The following IGF2BP1 variants were observed in gnomAD, a reference collection of about 807,000 sequenced individuals.
The protein encoded by IGF2BP1 is insulin like growth factor 2 mRNA binding protein 1.
Under a neutral mutation model 74.9 loss-of-function variants are expected in IGF2BP1, and 11 were observed. The observed-to-expected ratio is 0.15, with a 90% CI of 0.09 to 0.24. The LOEUF (loss-of-function observed/expected upper bound fraction) is 0.24. Ranked by LOEUF, IGF2BP1 falls within the 10% of genes least tolerant of loss-of-function variation. IGF2BP1 has a pLI of 1.00. For synonymous variants in IGF2BP1, 287 were observed against 281.8 expected, an observed-to-expected ratio of 1.02 and a Z score of -0.18; for missense variants, 440 against 757.4, an observed-to-expected ratio of 0.58 and a Z score of 4.92.
intron 2 of IGF2BP1, among the ~76,000 whole-genome samples, chr17:49,024,395 C>T (rs976604856): frequency 2.0e-5 from 3 of 151,802 alleles, no homozygotes; most frequent in Non-Finnish European, 4.4e-5. Context: ...GTTTGGGTGA[C>T]AGAGCACTTT....
intron 14 of IGF2BP1, among the ~76,000 whole-genome samples, chr17:49,047,528 A>T (rs1398804523): frequency 1.3e-5 from 2 of 151,370 alleles, no homozygotes; most frequent in African/African-American, 2.4e-5. Flanking sequence ...TTTTTTTTTT[A>T]AAGAGAGTAA....
rs973512092 is a variant in IGF2BP1 at position 49,050,506 on chromosome 17, A to C, written c.*1062A>C. ...CCCATAAGGGCTGGTTCCTAGAGGC[A>C]GGGGTTGTGGGGCACTCCCAGCCAC... On this transcript the variant is annotated 3_prime_UTR_variant, in exon 15 of 15. Coordinates refer to ENST00000290341, the MANE Select transcript of IGF2BP1 (RefSeq NM_006546.4). 6.6e-6 allele frequency: 1 copy of C among 152,164 alleles called. No homozygotes were observed. The highest frequency in any genetic ancestry group is 2.4e-5 in the African/African-American group (1 of 41,446). 9.4% of individuals were successfully genotyped at this position (152,164 alleles called of 1,614,324 possible).
At chr17:49,019,935 TATA>T (rs1567815772) in intron 2 of IGF2BP1, among the ~76,000 whole-genome samples, 7 of 61,548 alleles carry the variant, frequency 1.1e-4, no homozygotes, top group Admixed American at 5.1e-4. Flanking sequence ...TATATATATA[TATA>T]TATATATATA....
At chr17:49,017,574 A>G (rs1230218706) in intron 2 of IGF2BP1, among the ~76,000 whole-genome samples, 5 of 152,186 alleles carry the variant, frequency 3.3e-5, no homozygotes, top group Admixed American at 1.3e-4. Context: ...TTAGAAATCT[A>G]GTATTCTAAA....
At chr17:49,013,899 C>T (rs2041656130) in intron 2 of IGF2BP1, 1 of 152,440 alleles carries the variant, frequency 6.6e-6, no homozygotes, top group Non-Finnish European at 1.5e-5. Context: ...GGGGCTTTGG[C>T]GGTAGAACAT....
intron 4 of IGF2BP1, 35 bp downstream of exon 4, chr17:49,026,552 G>A (rs1259491103): frequency 1.3e-6 from 2 of 1,589,342 alleles, no homozygotes; most frequent in Admixed American, 1.7e-5. Context: ...GGCACTCGTG[G>A]TGGGGGTTGG....
At chr17:49,015,802 C>T (rs1434282964) in intron 2 of IGF2BP1, among the ~76,000 whole-genome samples, 3 of 152,160 alleles carry the variant, frequency 2.0e-5, no homozygotes, top group South Asian at 4.1e-4. Context: ...CTCAGATGGG[C>T]TTTCTTGTCA....
rs2041422427 is a variant in IGF2BP1 at position 48,997,598 on chromosome 17, T to G, written c.-148T>G. 1.2e-6 allele frequency: 1 copy of G among 838,080 alleles called. No individual in the cohort carries two copies. The highest frequency in any genetic ancestry group is 1.8e-6 in the Non-Finnish European group (1 of 551,136). 51.9% of individuals were successfully genotyped at this position (838,080 alleles called of 1,614,324 possible). On this transcript the variant is annotated 5_prime_UTR_variant, in exon 1 of 15. Coordinates refer to ENST00000290341, the MANE Select transcript of IGF2BP1 (RefSeq NM_006546.4). This position sits in a 1 kb window ranked among gnomAD's most constrained non-coding sequence, Gnocchi z 4.8. ...CGCCCTCAGGCCGCCTTCCCCGCCCTGGGCTCGGGACAACTTCTGGGGTGG... is the reference window on the plus strand; with the variant it reads ...CGCCCTCAGGCCGCCTTCCCCGCCCGGGGCTCGGGACAACTTCTGGGGTGG...
chr17:49,016,118 T>A (rs570516393), intron 2 of IGF2BP1, among the ~76,000 whole-genome samples: 1 of 152,254 alleles, frequency 6.6e-6, no homozygotes, highest in Admixed American at 6.5e-5. Flanking sequence ...CTTTTCCTGC[T>A]TCTGACGTCG....
chr17:49,024,174 G>A (rs71379323), intron 2 of IGF2BP1, among the ~76,000 whole-genome samples: 5 of 137,632 alleles, frequency 3.6e-5, no homozygotes, highest in South Asian at 4.5e-4. Context: ...CAAGTGATTC[G>A]CCTGCCTCAG....
At chr17:49,036,188 G>A (rs1469249065) in intron 5 of IGF2BP1, among the ~76,000 whole-genome samples, 1 of 152,180 alleles carries the variant, frequency 6.6e-6, no homozygotes, top group African/African-American at 2.4e-5. Context: ...GCTTTGTGAA[G>A]TGTTGGGGCT....
At chr17:49,041,672 G>A (rs1469263888) in intron 8 of IGF2BP1, among the ~76,000 whole-genome samples, 172 bp downstream of exon 8, 1 of 152,212 alleles carries the variant, frequency 6.6e-6, no homozygotes, top group Non-Finnish European at 1.5e-5. Context: ...TGTAAGGACT[G>A]GATCTGCCCA....
At chr17:48,999,923 GGTGT>G (rs371605973) in intron 2 of IGF2BP1, among the ~76,000 whole-genome samples, 4,308 of 133,966 alleles carry the variant, frequency 0.032, 68 homozygotes, top group Non-Finnish European at 0.041. Flanking sequence ...GTGGATGAAT[GGTGT>G]GTGTGTGTGT....
At chr17:49,047,689 T>C (rs1411884335) in intron 14 of IGF2BP1, among the ~76,000 whole-genome samples, 1 of 151,876 alleles carries the variant, frequency 6.6e-6, no homozygotes, top group East Asian at 1.9e-4. Context: ...TTACACATTA[T>C]TTTCCCAACC....
intron 4 of IGF2BP1, among the ~76,000 whole-genome samples, chr17:49,027,949 T>C: frequency 6.7e-6 from 1 of 148,686 alleles, no homozygotes; most frequent in Non-Finnish European, 1.5e-5. Context: ...GGTGGGCAGA[T>C]CTCTTGAGCC....
intron 12 of IGF2BP1, among the ~76,000 whole-genome samples, 200 bp from the exon 13 acceptor site, chr17:49,045,690 C>A (rs1176659775): frequency 6.6e-6 from 1 of 152,212 alleles, no homozygotes; most frequent in Non-Finnish European, 1.5e-5. Context: ...CCCAGGGTCT[C>A]CAGTATGATA....
intron 2 of IGF2BP1, chr17:49,004,456 T>C (rs2041524491): frequency 6.6e-6 from 1 of 152,270 alleles, no homozygotes; most frequent in Non-Finnish European, 1.5e-5. Context: ...GATGAGACAG[T>C]TGGAGAGAAA....
rs1331322002 is a variant in IGF2BP1 at position 48,997,980 on chromosome 17, G to A, written c.175+60G>A. The A allele has an allele frequency of 1.3e-6, 2 of 1,556,404 alleles. No individual in the cohort carries two copies. The highest frequency in any genetic ancestry group is 2.3e-5 in the East Asian group (1 of 43,926). ...CGAGAGCCCCGAACAACGGAGACCCGCACCTTCCGGTTCCTCTCCCGCCAA... is the reference window on the plus strand; with the variant it reads ...CGAGAGCCCCGAACAACGGAGACCCACACCTTCCGGTTCCTCTCCCGCCAA... On this transcript the variant is annotated intron_variant, in intron 1 of 14. Transcript: ENST00000290341. This position sits in a 1 kb window ranked among gnomAD's most constrained non-coding sequence, Gnocchi z 4.8.
At chr17:49,012,712 T>C (rs1021862642) in intron 2 of IGF2BP1, among the ~76,000 whole-genome samples, 13 of 152,174 alleles carry the variant, frequency 8.5e-5, no homozygotes, top group Admixed American at 6.5e-4. Context: ...TACAGAATCA[T>C]AATTCATAGT....
Sources: allele counts gnomAD v4.1 joint callset (sites outside exome capture counted in the v4.1 genomes callset), GRCh38; gene constraint gnomAD v4.1.1; non-coding constraint Gnocchi (gnomAD v3.1); transcripts MANE v1.5; gene names NCBI Gene and HGNC (gene_info 2026-07-23, HGNC 2026-07-21).